Variants in VIPR2 observed in about 807,000 individuals in gnomAD.
VIPR2 encodes the protein vasoactive intestinal peptide receptor 2, also known as vasoactive intestinal polypeptide receptor 2.
Under a neutral mutation model 58.0 loss-of-function variants are expected in VIPR2, and 48 were observed. The ratio of observed to expected loss-of-function variants is 0.83; its 90% confidence interval spans 0.66 to 1.05. The LOEUF is 1.05. Among genes scored for constraint, VIPR2 ranks in the 50% least tolerant of loss-of-function variants. The pLI, the probability that VIPR2 is intolerant of heterozygous loss-of-function variation, is 0.00. For missense variants in VIPR2, 534 were observed against 558.0 expected, an observed-to-expected ratio of 0.96 and a Z score of 0.43; for synonymous variants, 243 against 235.2, an observed-to-expected ratio of 1.03 and a Z score of -0.30.
At chr7:159,100,946 T>C (rs997894030) in intron 4 of VIPR2, among the ~76,000 whole-genome samples, 133 of 102,606 alleles carry the variant, frequency 1.3e-3, no homozygotes, top group Middle Eastern at 7.4e-3. Flanking sequence ...CGAGATCCGA[T>C]GAGGCGGTTC....
intron 2 of VIPR2, among the ~76,000 whole-genome samples, chr7:159,115,573 T>C (rs1460097867): frequency 1.3e-5 from 2 of 152,240 alleles, no homozygotes; most frequent in African/African-American, 4.8e-5. Flanking sequence ...CAAGCCTGGC[T>C]GAAACAGGAC....
chr7:159,143,035 G>A (rs752936838), intron 1 of VIPR2, among the ~76,000 whole-genome samples: 1 of 152,170 alleles, frequency 6.6e-6, no homozygotes, highest in Non-Finnish European at 1.5e-5. Context: ...AACTGCAATC[G>A]TTTTGACTAG....
chr7:159,030,609 G>T lies in VIPR2; in HGVS notation c.*7C>A, dbSNP rs1313891614. Reference sequence around the variant, plus strand: ...CCTCCCGCCGCGTCCGACAGGCAGGGGTGGGGCTAGATGACCGAGGTCTCC... The same window carrying T: ...CCTCCCGCCGCGTCCGACAGGCAGGTGTGGGGCTAGATGACCGAGGTCTCC... On this transcript the variant is annotated 3_prime_UTR_variant, in exon 13 of 13. Transcript: ENST00000262178. 1 of 1,534,426 alleles carries T rather than the reference G, an allele frequency of 6.5e-7. No individual in the cohort carries two copies. The highest frequency in any genetic ancestry group is 1.2e-5 in the South Asian group (1 of 81,726).
intron 8 of VIPR2, 135 bp from the exon 9 acceptor site, chr7:159,034,785 C>T (rs1007104014): frequency 4.4e-5 from 31 of 710,852 alleles, no homozygotes; most frequent in East Asian, 1.1e-4. Flanking sequence ...ACTGACAGAT[C>T]GTAAAGGAAT....
In VIPR2 at chr7:159,030,507, A is replaced by T. The variant is rs1366369268; in HGVS notation, c.*109T>A. 2 of 1,380,738 alleles carry T rather than the reference A, an allele frequency of 1.4e-6. No individual in the cohort carries two copies. The highest frequency in any genetic ancestry group is 1.9e-6 in the Non-Finnish European group (2 of 1,044,058). 85.5% of individuals were successfully genotyped at this position (1,380,738 alleles called of 1,614,324 possible). A position where few individuals can be genotyped will look rare whatever the true frequency, so the allele number is the denominator to read the frequency against. On this transcript the variant is annotated 3_prime_UTR_variant, in exon 13 of 13. Coordinates refer to ENST00000262178, the MANE Select transcript of VIPR2 (RefSeq NM_003382.5). ...GCTTGACGGAGTCAGGACCGCGCTG[A>T]CCTGCCCGACACGGTGCTCGGGCAT...
At position 159,099,810 on chromosome 7, in the gene VIPR2, C is replaced by T. The variant is rs1858096665; in HGVS notation, c.357+3947G>A. 6.6e-6 allele frequency among the ~76,000 whole-genome samples: 1 copy of T among 152,146 alleles called. No individual in the cohort carries two copies. The highest frequency in any genetic ancestry group is 2.1e-4 in the South Asian group (1 of 4,828). On this transcript the variant is annotated intron_variant, in intron 4 of 12. Coordinates refer to ENST00000262178, the MANE Select transcript of VIPR2 (RefSeq NM_003382.5). This position sits in a 1 kb window ranked among gnomAD's most constrained non-coding sequence, Gnocchi z 4.2. The stretch of plus-strand genomic sequence containing the variant: ...AAGCCCCTGAGACCCCTGGCTGCTC[C>T]CTTTCCTATGGAAGCCTGGGGCAGA...
rs539370850 is a variant in VIPR2 at position 159,036,595 on chromosome 7, G to A, written c.748+157C>T. On this transcript the variant is annotated intron_variant, in intron 7 of 12. Transcript: ENST00000262178. ...TACCAGAAATATTAATGTGTTGTTT[G>A]TAGGAGCCTCCAGTCATCCTGGAAG... 1.3e-4 allele frequency among the ~76,000 whole-genome samples: 20 copies of A among 152,298 alleles called. 1 individual carries two copies. Among genetic ancestry groups the A allele is most frequent in the Admixed American group, 6.5e-4 (10 of 15,310 alleles).
In VIPR2 at chr7:159,035,959, C is replaced by T. The variant is rs760457513; in HGVS notation, c.802G>A (p.Asp268Asn). 1.2e-6 allele frequency: 2 copies of T among 1,613,810 alleles called. No individual in the cohort carries two copies. The highest frequency in any genetic ancestry group is 1.7e-6 in the Non-Finnish European group (2 of 1,179,868). ...AWTAARLYLE[D>N]TGCWDTNDHS... ...GTCTGGTCATGGACTCACCCGGTGT[C>T]TTCTAAGTAGAGCCTGGCCGCAGTC... The change falls in exon 8 of 13, where the codon GAC becomes AAC. Residue 268 changes from aspartate to asparagine, a missense_variant. Asp to Asn is a conservative substitution (Grantham distance 23). Around this residue, in one of 3 missense-constraint regions of VIPR2, gnomAD observed 306 missense variants for 285.8 expected, o/e 1.07. Coordinates refer to ENST00000262178, the MANE Select transcript of VIPR2 (RefSeq NM_003382.5).
Position 159,036,121 on chromosome 7 carries a change from TA to T in VIPR2, c.749-110del, listed in dbSNP as rs1585330297. On this transcript the variant is annotated intron_variant, in intron 7 of 12. Transcript: ENST00000262178. The stretch of plus-strand genomic sequence containing the variant: ...AGGACACGCTTTCTCACGGGAATAT[TA>T]AGTGCAATCTCTTGTTTAAAGTCTT... 17 of 1,276,892 alleles carry T rather than the reference TA, an allele frequency of 1.3e-5. No individual in the cohort carries two copies. In the East Asian group the frequency reaches 4.2e-4, roughly 31 times the overall value. 79.1% of individuals were successfully genotyped at this position (1,276,892 alleles called of 1,614,324 possible).
At chr7:159,076,887 TAGTTA>T (rs1275850570) in intron 4 of VIPR2, among the ~76,000 whole-genome samples, 9 of 152,238 alleles carry the variant, frequency 5.9e-5, no homozygotes, top group African/African-American at 9.6e-5. Flanking sequence ...CTTTTATTAC[TAGTTA>T]AGTTATCTCC....
At chr7:159,114,801 T>TAGAA (rs59651325) in intron 2 of VIPR2, among the ~76,000 whole-genome samples, 43,490 of 113,434 alleles carry the variant, frequency 0.38, 7,115 homozygotes, top group African/African-American at 0.52. Context: ...AAAGAAAGAA[T>TAGAA]AGAAAGAGAG....
At chr7:159,115,949 G>GGT (rs56217115) in intron 2 of VIPR2, among the ~76,000 whole-genome samples, 47,189 of 152,100 alleles carry the variant, frequency 0.31, 8,033 homozygotes, top group African/African-American at 0.46. Flanking sequence ...TCAGGCAGCA[G>GGT]GTGTGAGGCA....
rs1796760541 is a variant in VIPR2, at chr7:159,128,934, G to C, written c.151+13512C>G. On this transcript the variant is annotated intron_variant, in intron 2 of 12. Coordinates refer to ENST00000262178, the MANE Select transcript of VIPR2 (RefSeq NM_003382.5). The surrounding 1 kb of genome is among the most constrained non-coding windows in gnomAD (Gnocchi z 4.1). ...CACACCAAAGCCCACCACCCTTCAA[G>C]CTCCAGGGCAAAGCCAGCCCGAGCG... Among the ~76,000 whole-genome samples the C allele has an allele frequency of 6.6e-6, 1 of 152,158 alleles. No individual in the cohort carries two copies. The highest frequency in any genetic ancestry group is 1.5e-5 in the Non-Finnish European group (1 of 68,026).
chr7:159,043,192 G>T lies in VIPR2; in HGVS notation c.456-16C>A. The stretch of plus-strand genomic sequence containing the variant: ...GTGCAGCTTCCTGAGGTGGGGGAGT[G>T]GGAGAGAGAGGAATTGGAGGGGGAA... On this transcript the variant is annotated splice_polypyrimidine_tract_variant and intron_variant, in intron 5 of 12. Transcript: ENST00000262178. 1 of 1,602,404 alleles carries T rather than the reference G, an allele frequency of 6.2e-7. No individual in the cohort carries two copies. Among genetic ancestry groups the T allele is most frequent in the Non-Finnish European group, 8.5e-7 (1 of 1,172,914 alleles).
At chr7:159,045,769 T>C (rs1310997315) in intron 5 of VIPR2, among the ~76,000 whole-genome samples, 1 of 152,060 alleles carries the variant, frequency 6.6e-6, no homozygotes, top group Non-Finnish European at 1.5e-5. Context: ...ACAGATAAAG[T>C]TGACTTCATC....
chr7:159,069,851 T>C (rs925740807), intron 4 of VIPR2, among the ~76,000 whole-genome samples: 9 of 152,210 alleles, frequency 5.9e-5, no homozygotes, highest in Admixed American at 3.3e-4. Context: ...TTATTTCCTT[T>C]TGGTGCCTGA....
rs754542029 is a variant in VIPR2 at position 159,034,625 on chromosome 7, C to T, written c.835G>A (p.Val279Met). The T allele has an allele frequency of 9.9e-6, 16 of 1,614,032 alleles. No homozygotes were observed. In the South Asian group the frequency reaches 1.6e-4, roughly 17 times the overall value. ...TGCWDTNDHS[V>M]PWWVIRIPIL... Reference sequence around the variant, plus strand: ...GGTATTCGTATGACCCACCAGGGCACACTGTGGTCGTTTGTATCCCAGCAA... The same window carrying T: ...GGTATTCGTATGACCCACCAGGGCATACTGTGGTCGTTTGTATCCCAGCAA... Residue 279 changes from valine (V) to methionine (M), a missense_variant, in exon 9 of 13, where the codon GTG becomes ATG. Val to Met is a conservative substitution (Grantham distance 21). Around this residue, in one of 3 missense-constraint regions of VIPR2, gnomAD observed 306 missense variants for 285.8 expected, o/e 1.07. Transcript: ENST00000262178.
chr7:159,115,721 G>A (rs540536470), intron 2 of VIPR2, among the ~76,000 whole-genome samples: 3 of 152,338 alleles, frequency 2.0e-5, no homozygotes, highest in Non-Finnish European at 4.4e-5. Context: ...TTCAGATCAC[G>A]CCCCTGACGT....
chr7:159,106,419 CAG>C (rs1006988885), intron 3 of VIPR2, among the ~76,000 whole-genome samples: 11 of 149,192 alleles, frequency 7.4e-5, no homozygotes, highest in East Asian at 2.0e-4. Flanking sequence ...CAGGGAGGGG[CAG>C]AGAGAGGCCA....
Sources: gnomAD v4.1 joint callset for allele counts (sites outside exome capture counted in the v4.1 genomes callset) on GRCh38, gnomAD v4.1.1 for gene constraint, gnomAD v4.1.1 regional missense constraint, Gnocchi (gnomAD v3.1) non-coding constraint, MANE v1.5 for transcripts, NCBI Gene and HGNC (gene_info 2026-07-23, HGNC 2026-07-21) for gene names.